Variants in FER observed in about 807,000 individuals in gnomAD.
FER encodes FER tyrosine kinase.
A neutral mutation model predicts 111.0 loss-of-function variants in FER; 63 were observed. The ratio of observed to expected loss-of-function variants is 0.57; its 90% CI spans 0.46 to 0.70. FER has a LOEUF of 0.70. Ranked by LOEUF, FER falls within the 30% of genes least tolerant of loss-of-function variation. FER has a pLI of 0.00. For synonymous variants in FER, 327 were observed against 313.9 expected, an observed-to-expected ratio of 1.04 and a Z score of -0.44; for missense variants, 914 against 954.0, an observed-to-expected ratio of 0.96 and a Z score of 0.55.
chr5:109,145,520 C>T (rs550786895), intron 17 of FER, among the ~76,000 whole-genome samples: 262 of 152,126 alleles, frequency 1.7e-3, no homozygotes, highest in African/African-American at 5.9e-3. Flanking sequence ...CCCCAACCCC[C>T]GCAACTTTTC....
intron 9 of FER, among the ~76,000 whole-genome samples, chr5:108,885,584 C>A (rs1290694774): frequency 6.6e-6 from 1 of 151,836 alleles, no homozygotes; most frequent in South Asian, 2.1e-4. Flanking sequence ...AGACTGCTGT[C>A]TTCTCATTGT....
At position 108,897,797 on chromosome 5, in the gene FER, G is replaced by T; in HGVS notation, c.1185G>T (p.Glu395Asp). Reference protein sequence around the residue: ...EQKVQENDGKEPPPVVNYEED... With the variant: ...EQKVQENDGKDPPPVVNYEED... Reference sequence around the variant, plus strand: ...AAGTGCAAGAAAATGATGGGAAAGAGCCACCTCCAGTAGTAAATTATGAAG... The same window carrying T: ...AAGTGCAAGAAAATGATGGGAAAGATCCACCTCCAGTAGTAAATTATGAAG... The change falls in exon 10 of 20, where the codon GAG becomes GAT. Residue 395 changes from glutamate (E) to aspartate (D), a missense_variant. Glu to Asp is a conservative substitution (Grantham distance 45, BLOSUM62 2). Around this residue, in one of 3 missense-constraint regions of FER, gnomAD observed 774 missense variants for 782.6 expected, o/e 0.99. Transcript: ENST00000281092. 2 of 1,613,212 alleles carry T rather than the reference G, an allele frequency of 1.2e-6. No homozygotes were observed. Among genetic ancestry groups the T allele is most frequent in the South Asian group, 2.2e-5 (2 of 90,974 alleles).
intron 17 of FER, among the ~76,000 whole-genome samples, chr5:109,158,831 T>C (rs1295623731): frequency 6.6e-6 from 1 of 152,156 alleles, no homozygotes; most frequent in African/African-American, 2.4e-5. Flanking sequence ...TCTGTCTGCC[T>C]TTTCTGCCAT....
intron 10 of FER, among the ~76,000 whole-genome samples, chr5:108,911,705 A>G (rs999932298): frequency 6.6e-6 from 1 of 152,174 alleles, no homozygotes; most frequent in Non-Finnish European, 1.5e-5. Flanking sequence ...TCAGAGCACC[A>G]TTTATTGGAT....
At chr5:109,054,122 A>G (rs571499447) in intron 16 of FER, among the ~76,000 whole-genome samples, 1 of 152,294 alleles carries the variant, frequency 6.6e-6, no homozygotes, top group African/African-American at 2.4e-5. Context: ...CATCTGGACA[A>G]ATGCTTTCAT....
At chr5:108,765,063 A>T (rs1752167292) in intron 1 of FER, among the ~76,000 whole-genome samples, 1 of 152,206 alleles carries the variant, frequency 6.6e-6, no homozygotes, top group Non-Finnish European at 1.5e-5. Context: ...AATGTGCGTT[A>T]GAGATGAAAG....
chr5:109,029,749 C>T (rs565600941), intron 13 of FER, among the ~76,000 whole-genome samples: 40 of 152,286 alleles, frequency 2.6e-4, no homozygotes, highest in Admixed American at 7.9e-4. Flanking sequence ...TGGCTGCTTT[C>T]AAGACTCCTT....
In FER at chr5:109,196,563, CAGTT is replaced by C. The variant is rs1759757410; in HGVS notation, c.*8989_*8992del. 1.3e-5 allele frequency: 2 copies of C among 152,096 alleles called. No individual in the cohort carries two copies. Among genetic ancestry groups the C allele is most frequent in the African/African-American group, 2.4e-5 (1 of 41,428 alleles). The allele number at this position is 152,096 out of a possible 1,614,324, so 9.4% of individuals were successfully genotyped here. ...ATGGATGAAAGCTAAATATATAAAG[CAGTT>C]GGTTGTCTATCTTTTATCATTTTTA... is the stretch of plus-strand genomic sequence containing the variant. On this transcript the variant is annotated 3_prime_UTR_variant, in exon 20 of 20. Coordinates refer to ENST00000281092, the MANE Select transcript of FER (RefSeq NM_005246.4).
At chr5:109,036,009 G>T (rs995703712) in intron 13 of FER, among the ~76,000 whole-genome samples, 2 of 152,036 alleles carry the variant, frequency 1.3e-5, no homozygotes, top group South Asian at 4.2e-4. Context: ...TCTTTGTTTT[G>T]TTGTTGAGAT....
chr5:108,946,019 T>C, intron 10 of FER, 111 bp from the exon 11 acceptor site: 1 of 646,510 alleles, frequency 1.5e-6, no homozygotes, highest in Non-Finnish European at 2.7e-6. Context: ...TTATATTTTA[T>C]TTAGTTGGAA....
At chr5:109,030,743 G>A (rs142887749) in intron 13 of FER, among the ~76,000 whole-genome samples, 60 of 152,216 alleles carry the variant, frequency 3.9e-4, no homozygotes, top group African/African-American at 1.4e-3. Context: ...GGACCTTATT[G>A]TGGTGGGATT....
chr5:108,856,199 T>C (rs192896762), intron 5 of FER, among the ~76,000 whole-genome samples: 1 of 152,162 alleles, frequency 6.6e-6, no homozygotes, highest in Non-Finnish European at 1.5e-5. Flanking sequence ...AGGTTAGATA[T>C]GCTGGTGAAA....
chr5:108,859,911 T>C (rs1763341989), intron 5 of FER, among the ~76,000 whole-genome samples: 1 of 146,846 alleles, frequency 6.8e-6, no homozygotes, highest in South Asian at 2.1e-4. Flanking sequence ...TAGCAAGATA[T>C]GTATATACCT....
intron 10 of FER, among the ~76,000 whole-genome samples, chr5:108,925,822 A>G (rs79480614): frequency 0.016 from 2,488 of 152,178 alleles, 54 homozygotes; most frequent in African/African-American, 0.057. Flanking sequence ...ACTTGTGTGC[A>G]TAAGTTTTGC....
At chr5:108,935,369 G>C (rs543195495) in intron 10 of FER, among the ~76,000 whole-genome samples, 1 of 152,150 alleles carries the variant, frequency 6.6e-6, no homozygotes, top group East Asian at 1.9e-4. Flanking sequence ...ATCGCCTTCT[G>C]TGTTTCTTCC....
intron 16 of FER, among the ~76,000 whole-genome samples, chr5:109,060,386 C>G (rs893620781): frequency 6.6e-6 from 1 of 152,178 alleles, no homozygotes; most frequent in Non-Finnish European, 1.5e-5. Flanking sequence ...TATGAACTTA[C>G]TCAACTTACT....
At position 109,045,284 on chromosome 5, in the gene FER, T is replaced by C. The variant is rs55697380; in HGVS notation, c.1829+489T>C. 8.1e-3 allele frequency among the ~76,000 whole-genome samples: 995 copies of C among 123,182 alleles called. 11 individuals are homozygous for C. The highest frequency in any genetic ancestry group is 0.029 in the African/African-American group (931 of 32,492). 80.8% of individuals were successfully genotyped at this position (123,182 alleles called of 152,430 possible). A position where few individuals can be genotyped will look rare whatever the true frequency, so the allele number is the denominator to read the frequency against. ...ACATTTAAGTATATACATTTAAGTA[T>C]ATACATTATATACATTATATATATA... On this transcript the variant is annotated intron_variant, in intron 15 of 19. Coordinates refer to ENST00000281092, the MANE Select transcript of FER (RefSeq NM_005246.4).
chr5:108,832,960 T>C lies in FER; in HGVS notation c.381+17T>C. ...ATGATCAAGGTTCGTTTTTCCATAT[T>C]GAAGTTCTTTCTTGAAATTGTTTTC... On this transcript the variant is annotated intron_variant, in intron 4 of 19. Coordinates refer to ENST00000281092, the MANE Select transcript of FER (RefSeq NM_005246.4). The C allele has an allele frequency of 6.6e-7, 1 of 1,520,400 alleles. No individual in the cohort carries two copies. The highest frequency in any genetic ancestry group is 8.8e-7 in the Non-Finnish European group (1 of 1,130,968). The allele number at this position is 1,520,400 out of a possible 1,614,324, so 94.2% of individuals were successfully genotyped here. A position where few individuals can be genotyped will look rare whatever the true frequency, so the allele number is the denominator to read the frequency against.
In FER at chr5:109,170,471, CAGCCACTT is replaced by C. The variant is rs753668978; in HGVS notation, c.2049-10274_2049-10267del. Among the ~76,000 whole-genome samples, 818 of 152,282 alleles carry C rather than the reference CAGCCACTT, an allele frequency of 5.4e-3. 13 individuals are homozygous for C. The highest frequency in any genetic ancestry group is 0.018 in the African/African-American group (751 of 41,556). ...TTTGGAGCAAAACAGATTCCATACTCAGCCACTTACCAGCTATGTGATCTTGGGCAAGT... is the reference window on the plus strand; with the variant it reads ...TTTGGAGCAAAACAGATTCCATACTCACCAGCTATGTGATCTTGGGCAAGT... On this transcript the variant is annotated intron_variant, in intron 17 of 19. Coordinates refer to ENST00000281092, the MANE Select transcript of FER (RefSeq NM_005246.4).
Sources: gnomAD v4.1 joint callset for allele counts (sites outside exome capture counted in the v4.1 genomes callset) on GRCh38, gnomAD v4.1.1 for gene constraint, gnomAD v4.1.1 regional missense constraint, MANE v1.5 for transcripts, NCBI Gene and HGNC (gene_info 2026-07-23, HGNC 2026-07-21) for gene names.